Variants in BACH2 observed in about 807,000 individuals in gnomAD.
The protein encoded by BACH2 is transcription regulator protein BACH2.
In BACH2, 5 loss-of-function variants were observed where a neutral mutation model predicts 61.8. The ratio of observed to expected loss-of-function variants is 0.08; its 90% confidence interval spans 0.04 to 0.17. BACH2 has a LOEUF of 0.17. Among genes scored for constraint, BACH2 ranks in the 10% least tolerant of loss-of-function variants. BACH2 has a pLI of 1.00. For missense variants in BACH2, 824 were observed against 1,091.1 expected (o/e 0.76, Z 3.45); for synonymous variants, 446 against 440.1 (o/e 1.01, Z -0.17).
At chr6:90,153,222 A>G (rs1407737420) in intron 4 of BACH2, among the ~76,000 whole-genome samples, 1 of 152,170 alleles carries the variant, frequency 6.6e-6, no homozygotes, top group Non-Finnish European at 1.5e-5. Flanking sequence ...CATTTCATGT[A>G]AAGTACTGGT....
chr6:90,262,814 G>A (rs117699318), intron 2 of BACH2, among the ~76,000 whole-genome samples: 20 of 152,272 alleles, frequency 1.3e-4, no homozygotes, highest in Non-Finnish European at 2.4e-4. Context: ...CAAGGGACAC[G>A]CATTAACTGT....
At chr6:90,036,759 TAA>T (rs1779282496) in intron 5 of BACH2, among the ~76,000 whole-genome samples, 1 of 152,192 alleles carries the variant, frequency 6.6e-6, no homozygotes, top group South Asian at 2.1e-4. Flanking sequence ...GTACAAATCT[TAA>T]GTGTGTATTC....
At chr6:90,154,233 G>T (rs1784917335) in intron 4 of BACH2, among the ~76,000 whole-genome samples, 1 of 152,098 alleles carries the variant, frequency 6.6e-6, no homozygotes, top group Admixed American at 6.5e-5. Context: ...AGGAAATGCA[G>T]GTTACAAAGC....
At chr6:90,153,406 G>A (rs1784893392) in intron 4 of BACH2, among the ~76,000 whole-genome samples, 1 of 152,096 alleles carries the variant, frequency 6.6e-6, no homozygotes, top group South Asian at 2.1e-4. Flanking sequence ...ATCAGACCTT[G>A]TTGGGTAAGT....
chr6:90,288,130 C>CTT (rs1772075634), intron 1 of BACH2, among the ~76,000 whole-genome samples: 2 of 152,078 alleles, frequency 1.3e-5, no homozygotes, highest in South Asian at 4.1e-4. Flanking sequence ...GTAATAATAT[C>CTT]TTTCACAGTT....
chr6:90,073,141 T>C (rs1781315755), intron 5 of BACH2, among the ~76,000 whole-genome samples: 1 of 152,246 alleles, frequency 6.6e-6, no homozygotes, highest in African/African-American at 2.4e-5. Flanking sequence ...GTTTTTCAGA[T>C]GTACCAATGG....
At chr6:90,235,481 A>T (rs1770229407) in intron 3 of BACH2, among the ~76,000 whole-genome samples, 1 of 152,194 alleles carries the variant, frequency 6.6e-6, no homozygotes, top group Admixed American at 6.5e-5. Flanking sequence ...TGTTTTGATT[A>T]CTGTTAAGGA....
intron 4 of BACH2, among the ~76,000 whole-genome samples, chr6:90,185,726 C>G (rs1768332645): frequency 1.3e-5 from 2 of 152,144 alleles, no homozygotes; most frequent in Admixed American, 6.5e-5. Context: ...TAGAACCAAC[C>G]ACGTTTATAA....
chr6:90,023,674 G>A (rs1457937947), intron 5 of BACH2, among the ~76,000 whole-genome samples: 1 of 152,182 alleles, frequency 6.6e-6, no homozygotes, highest in Non-Finnish European at 1.5e-5. Context: ...GGTATTTGGA[G>A]GTGGGGCCTT....
chr6:90,241,923 T>C (rs1440626650), intron 3 of BACH2, among the ~76,000 whole-genome samples: 10 of 151,882 alleles, frequency 6.6e-5, no homozygotes, highest in Non-Finnish European at 1.5e-4. Flanking sequence ...AGCTACAATC[T>C]ATCCTGATTT....
intron 5 of BACH2, among the ~76,000 whole-genome samples, chr6:90,077,595 T>C (rs1435868997): frequency 6.6e-6 from 1 of 152,152 alleles, no homozygotes; most frequent in Non-Finnish European, 1.5e-5. Context: ...TCACAAGTTG[T>C]ATCTGGGACA....
intron 5 of BACH2, among the ~76,000 whole-genome samples, chr6:90,030,640 CAA>C (rs576364593): frequency 0.01 from 1,560 of 152,194 alleles, 15 homozygotes; most frequent in Non-Finnish European, 0.015. Flanking sequence ...TACACCCTCC[CAA>C]GACTAAACCA....
chr6:90,161,936 T>C (rs1306430161), intron 4 of BACH2, among the ~76,000 whole-genome samples: 4 of 152,166 alleles, frequency 2.6e-5, no homozygotes, highest in African/African-American at 9.7e-5. Flanking sequence ...GATGAATTTA[T>C]TTGGATTTCA....
At chr6:90,045,949 T>C (rs914132901) in intron 5 of BACH2, among the ~76,000 whole-genome samples, 1 of 152,126 alleles carries the variant, frequency 6.6e-6, no homozygotes, top group Non-Finnish European at 1.5e-5. Flanking sequence ...CAGGCTTCTC[T>C]CCCCTAAAAA....
intron 1 of BACH2, among the ~76,000 whole-genome samples, chr6:90,287,923 G>T: frequency 6.6e-6 from 1 of 152,202 alleles, no homozygotes; most frequent in East Asian, 1.9e-4. Context: ...GACTAGTTGA[G>T]GGGACTGGGT....
intron 3 of BACH2, among the ~76,000 whole-genome samples, chr6:90,247,845 C>T (rs545545962): frequency 5.3e-5 from 8 of 152,284 alleles, no homozygotes; most frequent in African/African-American, 1.9e-4. Flanking sequence ...AGTAGCACTT[C>T]GGTCTCTGCT....
At chr6:89,976,289 G>A (rs1371591052) in intron 6 of BACH2, among the ~76,000 whole-genome samples, 2 of 152,170 alleles carry the variant, frequency 1.3e-5, no homozygotes, top group East Asian at 1.9e-4. Flanking sequence ...AAAATAAAGC[G>A]TAAAAATGCA....
rs145297107 is a variant in BACH2 at position 90,135,787 on chromosome 6, T to C, written c.-161-46678A>G. On this transcript the variant is annotated intron_variant, in intron 4 of 8. Coordinates refer to ENST00000257749, the MANE Select transcript of BACH2 (RefSeq NM_021813.4). ...TCTTTGCATTAGCCCTCCTCCCACT[T>C]ATTTCCTCACTCACCAGACATTCAC... 2.4e-4 allele frequency among the ~76,000 whole-genome samples: 37 copies of C among 152,266 alleles called. No homozygotes were observed. The East Asian group carries it at 7.1e-3, about 29-fold the overall frequency.
At chr6:89,946,780 C>A (rs1339115679) in intron 7 of BACH2, among the ~76,000 whole-genome samples, 1 of 151,996 alleles carries the variant, frequency 6.6e-6, no homozygotes, top group Admixed American at 6.6e-5. Context: ...AAAGAGAAAG[C>A]CTGTTAAATT....
Sources: gnomAD v4.1 joint callset for allele counts (sites outside exome capture counted in the v4.1 genomes callset) on GRCh38, gnomAD v4.1.1 for gene constraint, MANE v1.5 for transcripts, NCBI Gene and HGNC (gene_info 2026-07-23, HGNC 2026-07-21) for gene names.